The following ANKIB1 variants were observed in gnomAD, a reference collection of about 807,000 sequenced individuals.
ANKIB1 encodes ankyrin repeat and IBR domain containing 1, also known as ankyrin repeat and IBR domain-containing protein 1.
A neutral mutation model predicts 122.1 loss-of-function variants in ANKIB1; 43 were observed. That is an observed-to-expected ratio of 0.35 (90% CI 0.28 to 0.45). The LOEUF (loss-of-function observed/expected upper bound fraction) is 0.45, where lower values mean the gene tolerates loss of function less well. Ranked by LOEUF, ANKIB1 falls within the 20% of genes least tolerant of loss-of-function variation. ANKIB1 has a pLI of 1.00. For missense variants in ANKIB1, 992 were observed against 1,329.5 expected, an observed-to-expected ratio of 0.75 and a Z score of 3.95; for synonymous variants, 390 against 442.0, an observed-to-expected ratio of 0.88 and a Z score of 1.48.
At chr7:92,319,262 T>C (rs1197313730) in intron 3 of ANKIB1, 68 bp from the exon 4 acceptor site, 11 of 980,182 alleles carry the variant, frequency 1.1e-5, no homozygotes, top group Non-Finnish European at 1.5e-5. Context: ...TTTTTAATGT[T>C]TTAAAAATAG....
intron 9 of ANKIB1, among the ~76,000 whole-genome samples, chr7:92,357,304 C>A (rs1454372089): frequency 1.3e-5 from 2 of 152,110 alleles, no homozygotes; most frequent in Non-Finnish European, 2.9e-5. Flanking sequence ...ATTGGTGTCT[C>A]TGGCTGAGAT....
chr7:92,349,078 G>A (rs1162443232), intron 7 of ANKIB1, among the ~76,000 whole-genome samples: 1 of 152,180 alleles, frequency 6.6e-6, no homozygotes, highest in African/African-American at 2.4e-5. Flanking sequence ...TGGTTAGTAA[G>A]GGTTTTTAAA....
In ANKIB1 at chr7:92,399,134, C is replaced by T. The variant is rs950338184; in HGVS notation, c.*185C>T. On this transcript the variant is annotated 3_prime_UTR_variant, in exon 20 of 20. Coordinates refer to ENST00000265742, the MANE Select transcript of ANKIB1 (RefSeq NM_019004.2). ...TTTATTTTAACCTTACAGGGAATTT[C>T]CTTTGTACTTAATTGAATAGCTTTT... 7.2e-6 allele frequency: 4 copies of T among 553,482 alleles called. No individual in the cohort carries two copies. The African/African-American group carries it at 7.8e-5, about 11-fold the overall frequency. The allele number at this position is 553,482 out of a possible 1,614,324, so 34.3% of individuals were successfully genotyped here. A position where few individuals can be genotyped will look rare whatever the true frequency, so the allele number is the denominator to read the frequency against.
At chr7:92,345,326 T>C (rs142939460) in intron 7 of ANKIB1, among the ~76,000 whole-genome samples, 74 of 152,352 alleles carry the variant, frequency 4.9e-4, no homozygotes, top group African/African-American at 1.7e-3. Context: ...TAATTTTTCT[T>C]AGTATTTTAG....
intron 17 of ANKIB1, among the ~76,000 whole-genome samples, chr7:92,392,918 T>TCACATAG (rs1478894345): frequency 6.6e-6 from 1 of 152,100 alleles, no homozygotes; most frequent in Non-Finnish European, 1.5e-5. Context: ...AAACTCTTAA[T>TCACATAG]CACATAGCTG....
At chr7:92,271,823 A>G (rs953823109) in intron 1 of ANKIB1, among the ~76,000 whole-genome samples, 1 of 152,206 alleles carries the variant, frequency 6.6e-6, no homozygotes, top group Non-Finnish European at 1.5e-5. Flanking sequence ...TAAAGGATCT[A>G]GCTAGGAGGT....
chr7:92,352,777 AAGT>A lies in ANKIB1; in HGVS notation c.1397+140_1397+142del, dbSNP rs1397016523. ...CTTCTTAATTTAAGAAATGTGTAAG[AAGT>A]AGTAATAGTTCATATTTGTTGTGTG... On this transcript the variant is annotated intron_variant, in intron 9 of 19. Transcript: ENST00000265742. 4.3e-6 allele frequency: 4 copies of A among 928,374 alleles called. No individual in the cohort carries two copies. The South Asian group carries it at 7.6e-5, about 18-fold the overall frequency. The allele number at this position is 928,374 out of a possible 1,614,324, so 57.5% of individuals were successfully genotyped here.
chr7:92,252,908 T>C (rs1801358814), intron 1 of ANKIB1, among the ~76,000 whole-genome samples: 2 of 151,898 alleles, frequency 1.3e-5, no homozygotes, highest in Admixed American at 1.3e-4. Flanking sequence ...ATTTTTGTTT[T>C]TTGTGGGTTG....
chr7:92,252,952 AG>A (rs1472186493), intron 1 of ANKIB1, among the ~76,000 whole-genome samples: 1 of 152,040 alleles, frequency 6.6e-6, no homozygotes, highest in Non-Finnish European at 1.5e-5. Context: ...TTAAAAACAA[AG>A]ATTTGGGGGC....
intron 11 of ANKIB1, among the ~76,000 whole-genome samples, chr7:92,376,063 C>A (rs1394969840): frequency 6.6e-6 from 1 of 152,144 alleles, no homozygotes; most frequent in Non-Finnish European, 1.5e-5. Flanking sequence ...ATTCAGTAAA[C>A]CATGCCATAA....
intron 5 of ANKIB1, among the ~76,000 whole-genome samples, chr7:92,330,229 A>C (rs2131960817): frequency 6.6e-6 from 1 of 152,294 alleles, no homozygotes; most frequent in Middle Eastern, 3.4e-3. Context: ...GGAATATTAC[A>C]ATATTGTAAT....
At chr7:92,342,603 C>T (rs1488730243) in intron 5 of ANKIB1, among the ~76,000 whole-genome samples, 3 of 152,128 alleles carry the variant, frequency 2.0e-5, no homozygotes, top group African/African-American at 7.2e-5. Context: ...TTTGACATAT[C>T]TATAGTGAAC....
chr7:92,396,253 G>C (rs766591034), intron 17 of ANKIB1, 112 bp from the exon 18 acceptor site: 5 of 671,618 alleles, frequency 7.4e-6, no homozygotes, highest in Non-Finnish European at 1.3e-5. Context: ...GATTTTATAA[G>C]ATGTGTATAA....
intron 6 of ANKIB1, among the ~76,000 whole-genome samples, chr7:92,344,324 C>T (rs1463782605): frequency 6.6e-6 from 1 of 150,932 alleles, no homozygotes; most frequent in South Asian, 2.1e-4. Context: ...CCTGCCTCAG[C>T]CTCCTGAGTA....
At chr7:92,394,220 A>T (rs1211617393) in intron 17 of ANKIB1, among the ~76,000 whole-genome samples, 1 of 152,176 alleles carries the variant, frequency 6.6e-6, no homozygotes, top group African/African-American at 2.4e-5. Context: ...CCACTGACAA[A>T]ATTGTTGGAA....
intron 1 of ANKIB1, among the ~76,000 whole-genome samples, chr7:92,286,897 C>T (rs576631407): frequency 6.6e-6 from 1 of 152,188 alleles, no homozygotes; most frequent in African/African-American, 2.4e-5. Context: ...TATCCAGAAT[C>T]CAGACAACTT....
chr7:92,264,139 C>G (rs1801620113), intron 1 of ANKIB1, among the ~76,000 whole-genome samples: 2 of 149,424 alleles, frequency 1.3e-5, no homozygotes, highest in Admixed American at 6.7e-5. Context: ...AAACAAACTT[C>G]AGGATAGTGT....
At chr7:92,247,424 T>C (rs1013428815) in intron 1 of ANKIB1, among the ~76,000 whole-genome samples, 2 of 152,242 alleles carry the variant, frequency 1.3e-5, no homozygotes, top group African/African-American at 2.4e-5. Context: ...TTAAAGATCA[T>C]ATTAGATTGT....
intron 11 of ANKIB1, 128 bp downstream of exon 11, chr7:92,371,735 C>A: frequency 9.1e-7 from 1 of 1,093,986 alleles, no homozygotes; most frequent in Non-Finnish European, 1.3e-6. Context: ...CCCAGCACTT[C>A]AGGAGGTTGA....
Sources: allele counts gnomAD v4.1 joint callset (sites outside exome capture counted in the v4.1 genomes callset), GRCh38; gene constraint gnomAD v4.1.1; transcripts MANE v1.5; gene names NCBI Gene and HGNC (gene_info 2026-07-23, HGNC 2026-07-21).